TLCD1: variants seen among roughly 807,000 people sequenced by gnomAD.
TLCD1 encodes TLC domain containing 1.
Under a neutral mutation model 21.2 loss-of-function variants are expected in TLCD1, and 21 were observed. The ratio of observed to expected loss-of-function variants is 0.99; its 90% CI spans 0.70 to 1.42. TLCD1 has a LOEUF of 1.42. Among genes scored for constraint, TLCD1 ranks in the 40% most tolerant of loss-of-function variants. The pLI, the probability that TLCD1 is intolerant of heterozygous loss-of-function variation, is 0.00. For synonymous variants in TLCD1, 168 were observed against 134.8 expected, an observed-to-expected ratio of 1.25 and a Z score of -1.71; for missense variants, 344 against 330.3, an observed-to-expected ratio of 1.04 and a Z score of -0.32.
Position 28,726,170 on chromosome 17 carries a change from C to T in TLCD1, c.-73G>A. The T allele has an allele frequency of 7.3e-7, 1 of 1,378,866 alleles. No homozygotes were observed. 85.4% of individuals were successfully genotyped at this position (1,378,866 alleles called of 1,614,324 possible). On this transcript the variant is annotated 5_prime_UTR_variant, in exon 1 of 4. Coordinates refer to ENST00000292090, the MANE Select transcript of TLCD1 (RefSeq NM_138463.4). ...TCTGGGAACCGGGATCCCTCTCGGG[C>T]CAGTCCAGGCCGGCCGCCTCTCCCG...
upstream of TLCD1, chr17:28,727,784 T>A (rs2151729193): frequency 6.6e-6 from 1 of 152,026 alleles, no homozygotes; most frequent in South Asian, 2.1e-4. Flanking sequence ...CGTGCCCAAC[T>A]AATTTTTGTA....
rs1400300547 is a variant in TLCD1, at chr17:28,726,026, G to A, written c.72C>T (p.Arg24=). 8 of 1,593,670 alleles carry A rather than the reference G, an allele frequency of 5.0e-6. No individual in the cohort carries two copies. The highest frequency in any genetic ancestry group is 1.4e-5 in the African/African-American group (1 of 72,670). ...GATLTFRALR[R]ALCRLPLPVH... ...CGGGTAGGGGCAGGCGACAGAGCGCGCGCCGGAGCGCCCGGAAGGTCAGCG... is the reference window on the plus strand; with the variant it reads ...CGGGTAGGGGCAGGCGACAGAGCGCACGCCGGAGCGCCCGGAAGGTCAGCG... Residue 24 remains arginine (R), a synonymous_variant, in exon 1 of 4, where the codon CGC becomes CGT. Coordinates refer to ENST00000292090, the MANE Select transcript of TLCD1 (RefSeq NM_138463.4).
At chr17:28,726,261 G>A (rs1246724603), upstream of TLCD1, 2 of 1,245,558 alleles carry the variant, frequency 1.6e-6, no homozygotes, top group East Asian at 3.2e-5. Flanking sequence ...CGCCCTCCCT[G>A]CGAGGCCTCT....
At position 28,725,504 on chromosome 17, in the gene TLCD1, TAGCC is replaced by T; in HGVS notation, c.250_253del (p.Gly84IlefsTer56). ...ACCCGCAGAGAAGCAAACGAGCAAA[TAGCC>T]AGAAAGTGACCACGCCGTCTCAATC... is the stretch of plus-strand genomic sequence containing the variant. On this transcript the variant is annotated frameshift_variant, in exon 2 of 4. Transcript: ENST00000292090. LOFTEE classifies it high-confidence loss of function. 6.2e-7 allele frequency: 1 copy of T among 1,614,024 alleles called. No homozygotes were observed. The highest frequency in any genetic ancestry group is 1.3e-5 in the African/African-American group (1 of 74,976).
chr17:28,724,586 GA>G lies in TLCD1; in HGVS notation c.667del (p.Ser223ProfsTer23). 6.2e-7 allele frequency: 1 copy of G among 1,614,128 alleles called. No individual in the cohort carries two copies. The highest frequency in any genetic ancestry group is 8.5e-7 in the Non-Finnish European group (1 of 1,180,018). On this transcript the variant is annotated frameshift_variant, in exon 4 of 4. Transcript: ENST00000292090. LOFTEE classifies it high-confidence loss of function. Reference protein sequence around the residue: ...MLDVMIIIYFSRLLRSDFCPE... With the variant: ...MLDVMIIIYFXRLLRSDFCPE... ...GCAGAAGTCAGAGCGGAGGAGGCGGGAAAAGTAGATTATGATCATCACGTCC... is the reference window on the plus strand; with the variant it reads ...GCAGAAGTCAGAGCGGAGGAGGCGGGAAAGTAGATTATGATCATCACGTCC...
At position 28,725,901 on chromosome 17, in the gene TLCD1, C is replaced by T. The variant is rs1178500094; in HGVS notation, c.194+3G>A. On this transcript the variant is annotated splice_donor_region_variant and intron_variant, in intron 1 of 3. Transcript: ENST00000292090. ...CACCTCATTTCCACAGTCGCTCACT[C>T]ACCACAGCAGTGCCCAGATCCCCGA... 1 of 1,612,414 alleles carries T rather than the reference C, an allele frequency of 6.2e-7. No individual in the cohort carries two copies. The highest frequency in any genetic ancestry group is 8.5e-7 in the Non-Finnish European group (1 of 1,179,636).
In TLCD1 at chr17:28,724,767, G is replaced by C; in HGVS notation, c.487C>G (p.Gln163Glu). The C allele has an allele frequency of 6.2e-7, 1 of 1,614,078 alleles. No homozygotes were observed. Among genetic ancestry groups the C allele is most frequent in the Non-Finnish European group, 8.5e-7 (1 of 1,180,022 alleles). ...TTAACCCGGTAGAGGAGATGATCCT[G>C]GGCATTACTGATTTTCATCATCATG... The part of the protein sequence containing the change: ...IRMMMKISNA[Q>E]DHLLYRVNKY... The change falls in exon 4 of 4, where the codon CAG (glutamine) becomes GAG (glutamate). Residue 163 changes from glutamine (Q) to glutamate (E), a missense_variant. Coordinates refer to ENST00000292090, the MANE Select transcript of TLCD1 (RefSeq NM_138463.4).
chr17:28,725,730 T>C (rs2034214273), intron 1 of TLCD1, among the ~76,000 whole-genome samples, 167 bp from the exon 2 acceptor site: 1 of 151,892 alleles, frequency 6.6e-6, no homozygotes, highest in Admixed American at 6.6e-5. Flanking sequence ...CCAGGGGCGA[T>C]CCCCCTCCCC....
In TLCD1 at chr17:28,724,979, G is replaced by A. The variant is rs1340523515; in HGVS notation, c.361-86C>T. Reference sequence around the variant, plus strand: ...GGGGGGTGTGGCTATCAGATTGAGGGCTGGAAAATCCCAAATTTCCCCCTG... The same window carrying A: ...GGGGGGTGTGGCTATCAGATTGAGGACTGGAAAATCCCAAATTTCCCCCTG... On this transcript the variant is annotated intron_variant, in intron 3 of 3. Transcript: ENST00000292090. The A allele has an allele frequency of 3.7e-5, 55 of 1,469,126 alleles. No homozygotes were observed. In the East Asian group the frequency reaches 1.0e-3, roughly 27 times the overall value. 91.0% of individuals were successfully genotyped at this position (1,469,126 alleles called of 1,614,324 possible).
chr17:28,726,079 G>C lies in TLCD1; in HGVS notation c.19C>G (p.Pro7Ala). 1.1e-5 allele frequency: 16 copies of C among 1,483,984 alleles called. No homozygotes were observed. The highest frequency in any genetic ancestry group is 1.4e-5 in the Non-Finnish European group (16 of 1,126,020). 91.9% of individuals were successfully genotyped at this position (1,483,984 alleles called of 1,614,324 possible). A position where few individuals can be genotyped will look rare whatever the true frequency, so the allele number is the denominator to read the frequency against. The change falls in exon 1 of 4, where the codon CCC (proline) becomes GCC (alanine). Residue 7 changes from proline (P) to alanine (A), a missense_variant. Physicochemically the swap from Pro to Ala is conservative, Grantham distance 27. Coordinates refer to ENST00000292090, the MANE Select transcript of TLCD1 (RefSeq NM_138463.4). MPRLLH[P>A]ALPLLLGATL... is the part of the protein sequence containing the mutation. ...GCGCCCAGGAGCAGCGGCAGGGCGG[G>C]GTGCAGCAGTCGGGGCATGCTGGCC...
At chr17:28,725,025 T>C (rs2034192950) in intron 3 of TLCD1, 132 bp from the exon 4 acceptor site, 1 of 1,041,730 alleles carries the variant, frequency 9.6e-7, no homozygotes. Context: ...TTATAGTGGG[T>C]AAGATGCTTT....
Position 28,725,502 on chromosome 17 carries a change from A to G in TLCD1, c.256T>C (p.Leu86=). The G allele has an allele frequency of 6.2e-7, 1 of 1,614,156 alleles. No homozygotes were observed. The highest frequency in any genetic ancestry group is 8.5e-7 in the Non-Finnish European group (1 of 1,180,000). ...IETAWSLSGY[L]LVCFSAGYFI... is the part of the protein sequence containing the mutation. ...CTACCCGCAGAGAAGCAAACGAGCA[A>G]ATAGCCAGAAAGTGACCACGCCGTC... The change falls in exon 2 of 4, where the codon TTG becomes CTG. Residue 86 remains leucine (L), a synonymous_variant. Coordinates refer to ENST00000292090, the MANE Select transcript of TLCD1 (RefSeq NM_138463.4).
chr17:28,724,953 T>TG (rs2034190922), intron 3 of TLCD1, 60 bp from the exon 4 acceptor site: 5 of 1,553,534 alleles, frequency 3.2e-6, no homozygotes, highest in Admixed American at 3.9e-5. Flanking sequence ...CCTGGAAGTT[T>TG]GGGGGGTGTG....
chr17:28,725,686 A>C, intron 1 of TLCD1, 123 bp from the exon 2 acceptor site: 2 of 1,221,818 alleles, frequency 1.6e-6, no homozygotes, highest in Non-Finnish European at 2.3e-6. Context: ...GGAAGCTAAG[A>C]GTGGCTGGGC....
Position 28,725,546 on chromosome 17 carries a change from T to G in TLCD1, c.212A>C (p.Asp71Ala). The change falls in exon 2 of 4, where the codon GAC (aspartate) becomes GCC (alanine). Residue 71 changes from aspartate to alanine, a missense_variant. Coordinates refer to ENST00000292090, the MANE Select transcript of TLCD1 (RefSeq NM_138463.4). ...WALLCVWQTP[D>A]MLVEIETAWS... Reference sequence around the variant, plus strand: ...CGCCGTCTCAATCTCCACTAACATGTCAGGAGTCTGCCATACACTGGAAAG... The same window carrying G: ...CGCCGTCTCAATCTCCACTAACATGGCAGGAGTCTGCCATACACTGGAAAG... The G allele has an allele frequency of 6.2e-7, 1 of 1,614,026 alleles. No homozygotes were observed. Among genetic ancestry groups the G allele is most frequent in the African/African-American group, 1.3e-5 (1 of 74,996 alleles).
At chr17:28,725,438 T>C (rs776525185) in intron 2 of TLCD1, 43 bp downstream of exon 2, 3 of 1,614,016 alleles carry the variant, frequency 1.9e-6, no homozygotes, top group Non-Finnish European at 2.5e-6. Flanking sequence ...AGCTTCCTTC[T>C]CCCTGTCCCC....
At position 28,725,491 on chromosome 17, in the gene TLCD1, G is replaced by A. The variant is rs373651609; in HGVS notation, c.267C>T (p.Cys89=). The A allele has an allele frequency of 6.2e-7, 1 of 1,614,152 alleles. No individual in the cohort carries two copies. The highest frequency in any genetic ancestry group is 1.1e-5 in the South Asian group (1 of 91,082). The change falls in exon 2 of 4, where the codon TGC becomes TGT. Residue 89 remains cysteine, a synonymous_variant. Coordinates refer to ENST00000292090, the MANE Select transcript of TLCD1 (RefSeq NM_138463.4). ...AWSLSGYLLV[C]FSAGYFIHDT... is the part of the protein sequence containing the mutation. ...CTGGGCAAGACCTACCCGCAGAGAA[G>A]CAAACGAGCAAATAGCCAGAAAGTG...
In TLCD1 at chr17:28,726,079, G is replaced by T. The variant is rs2034222924; in HGVS notation, c.19C>A (p.Pro7Thr). Reference protein sequence around the residue: MPRLLHPALPLLLGATL... With the variant: MPRLLHTALPLLLGATL... The stretch of plus-strand genomic sequence containing the variant: ...GCGCCCAGGAGCAGCGGCAGGGCGG[G>T]GTGCAGCAGTCGGGGCATGCTGGCC... The change falls in exon 1 of 4, where the codon CCC becomes ACC. Residue 7 changes from proline (P) to threonine (T), a missense_variant. Transcript: ENST00000292090. 6.7e-7 allele frequency: 1 copy of T among 1,483,984 alleles called. No homozygotes were observed. Among genetic ancestry groups the T allele is most frequent in the Non-Finnish European group, 8.9e-7 (1 of 1,126,020 alleles). 91.9% of individuals were successfully genotyped at this position (1,483,984 alleles called of 1,614,324 possible).
At chr17:28,726,315 C>T (rs1275368884), upstream of TLCD1, 7 of 1,000,162 alleles carry the variant, frequency 7.0e-6, no homozygotes, top group Admixed American at 5.0e-5. Context: ...GCCCGCCTGC[C>T]CCCGCCCCGT....
Sources: gnomAD v4.1 joint callset for allele counts (sites outside exome capture counted in the v4.1 genomes callset) on GRCh38, gnomAD v4.1.1 for gene constraint, MANE v1.5 for transcripts, NCBI Gene and HGNC (gene_info 2026-07-23, HGNC 2026-07-21) for gene names.